Variants in SRP72 observed in about 807,000 individuals in gnomAD.
SRP72 encodes the protein signal recognition particle 72.
In SRP72, 49 loss-of-function variants were observed where a neutral mutation model predicts 96.3. The observed-to-expected ratio is 0.51, with a 90% CI of 0.40 to 0.65. The LOEUF (loss-of-function observed/expected upper bound fraction) is 0.65. SRP72 is among the 30% of genes least tolerant of loss of function. The probability of loss-of-function intolerance (pLI) is 0.00; values close to 1 mark genes in which losing one functional copy is unlikely to be tolerated. For missense variants in SRP72, 736 were observed against 793.3 expected (o/e 0.93, Z 0.87); for synonymous variants, 267 against 275.2 (o/e 0.97, Z 0.30).
At chr4:56,486,525 C>T (rs939623950) in intron 11 of SRP72, 128 bp downstream of exon 11, 2 of 675,518 alleles carry the variant, frequency 3.0e-6, no homozygotes, top group Non-Finnish European at 4.7e-6. Context: ...CTGTTTCAAA[C>T]ATGCAGCTAG....
intron 1 of SRP72, among the ~76,000 whole-genome samples, chr4:56,468,544 G>A (rs1391433826): frequency 6.6e-6 from 1 of 151,936 alleles, no homozygotes; most frequent in African/African-American, 2.4e-5. Context: ...TACAGCCTGT[G>A]CATGTTAGAT....
intron 8 of SRP72, among the ~76,000 whole-genome samples, chr4:56,479,488 C>G (rs1430987085): frequency 6.6e-6 from 1 of 150,612 alleles, no homozygotes; most frequent in Non-Finnish European, 1.5e-5. Context: ...CAGGAACACT[C>G]TAATGGAAAA....
At chr4:56,475,561 CAAAAA>C (rs1180420128) in intron 5 of SRP72, 2 of 103,304 alleles carry the variant, frequency 1.9e-5, no homozygotes, top group African/African-American at 3.4e-5. Context: ...GACGCTGTCT[CAAAAA>C]AAAAAAAAAA....
At chr4:56,495,562 C>T (rs1317400988) in intron 17 of SRP72, among the ~76,000 whole-genome samples, 168 bp downstream of exon 17, 1 of 152,148 alleles carries the variant, frequency 6.6e-6, no homozygotes, top group Non-Finnish European at 1.5e-5. Flanking sequence ...TTAAAGATCG[C>T]AATTCACTAG....
chr4:56,485,016 G>C (rs1720651551), intron 10 of SRP72, 152 bp downstream of exon 10: 1 of 902,992 alleles, frequency 1.1e-6, no homozygotes, highest in African/African-American at 1.7e-5. Context: ...GTTAACTCTT[G>C]GGTTACAGAG....
At chr4:56,472,608 A>G (rs1035015592) in intron 3 of SRP72, among the ~76,000 whole-genome samples, 1 of 151,978 alleles carries the variant, frequency 6.6e-6, no homozygotes, top group Non-Finnish European at 1.5e-5. Flanking sequence ...TGACCTCCCA[A>G]AGTACTGGGA....
chr4:56,470,053 T>A (rs1476892726), intron 2 of SRP72, among the ~76,000 whole-genome samples: 2 of 148,052 alleles, frequency 1.4e-5, no homozygotes, highest in Non-Finnish European at 3.0e-5. Flanking sequence ...GGCATAATTA[T>A]GAGTCGTTGG....
chr4:56,494,849 T>G (rs1412284966), intron 16 of SRP72, among the ~76,000 whole-genome samples: 2 of 152,068 alleles, frequency 1.3e-5, no homozygotes, highest in African/African-American at 4.8e-5. Flanking sequence ...GATAAAAAAG[T>G]GTAAGAGTAA....
chr4:56,492,888 G>A (rs1225831616), intron 16 of SRP72, among the ~76,000 whole-genome samples: 1 of 152,140 alleles, frequency 6.6e-6, no homozygotes, highest in African/African-American at 2.4e-5. Flanking sequence ...GGGAGGCTGA[G>A]GCGGGATGAT....
intron 10 of SRP72, among the ~76,000 whole-genome samples, chr4:56,485,782 C>T (rs1720689611): frequency 6.6e-6 from 1 of 151,934 alleles, no homozygotes; most frequent in African/African-American, 2.4e-5. Context: ...GCCTGGGTGA[C>T]AGAGCAAGAC....
intron 10 of SRP72, among the ~76,000 whole-genome samples, chr4:56,485,766 A>C (rs1290382369): frequency 6.6e-6 from 1 of 151,974 alleles, no homozygotes; most frequent in African/African-American, 2.4e-5. Flanking sequence ...ACGCCACTGC[A>C]CTCCAGCCTG....
At chr4:56,469,151 G>A (rs188727021) in intron 1 of SRP72, among the ~76,000 whole-genome samples, 1 of 152,060 alleles carries the variant, frequency 6.6e-6, no homozygotes, top group Non-Finnish European at 1.5e-5. Context: ...TTATTAAATA[G>A]GTAATGCTTT....
chr4:56,485,051 T>C (rs1485601946), intron 10 of SRP72, among the ~76,000 whole-genome samples, 187 bp downstream of exon 10: 2 of 152,232 alleles, frequency 1.3e-5, no homozygotes, highest in African/African-American at 2.4e-5. Context: ...CTTTGTGTTA[T>C]ATAAATTTCT....
chr4:56,492,787 A>G (rs1289855123), intron 16 of SRP72, among the ~76,000 whole-genome samples: 1 of 151,954 alleles, frequency 6.6e-6, no homozygotes, highest in Non-Finnish European at 1.5e-5. Flanking sequence ...TATGTTTACT[A>G]TTTTTTTCTT....
chr4:56,476,709 A>G lies in SRP72; in HGVS notation c.642+7A>G. The G allele has an allele frequency of 1.2e-6, 2 of 1,612,466 alleles. No homozygotes were observed. The highest frequency in any genetic ancestry group is 1.7e-6 in the Non-Finnish European group (2 of 1,179,624). On this transcript the variant is annotated splice_region_variant and intron_variant, in intron 6 of 18. Coordinates refer to ENST00000642900, the MANE Select transcript of SRP72 (RefSeq NM_006947.4). ...TTCATTATCAGAAGACACTGTAAGTATTCCATCATTGTTAAACCTAAATTT... is the reference window on the plus strand; with the variant it reads ...TTCATTATCAGAAGACACTGTAAGTGTTCCATCATTGTTAAACCTAAATTT...
intron 5 of SRP72, chr4:56,476,139 A>C (rs548532289): frequency 1.3e-5 from 2 of 155,204 alleles, no homozygotes; most frequent in South Asian, 4.0e-4. Context: ...AAACTAAGCC[A>C]GGTATGGTGG....
chr4:56,478,560 G>C (rs766350698), intron 7 of SRP72, 32 bp from the exon 8 acceptor site: 6 of 1,612,978 alleles, frequency 3.7e-6, no homozygotes, highest in Non-Finnish European at 5.1e-6. Flanking sequence ...TTAAAGGTTT[G>C]TTTGGTTTTG....
chr4:56,474,332 G>A lies in SRP72; in HGVS notation c.551G>A (p.Cys184Tyr). 6.2e-7 allele frequency: 1 copy of A among 1,614,186 alleles called. No individual in the cohort carries two copies. Among genetic ancestry groups the A allele is most frequent in the Non-Finnish European group, 8.5e-7 (1 of 1,180,042 alleles). ...CATGAGCTGTGCTACAACACTGCATGTGCACTGATAGGCCAAGGCCAGCTG... is the reference window on the plus strand; with the variant it reads ...CATGAGCTGTGCTACAACACTGCATATGCACTGATAGGCCAAGGCCAGCTG... Reference protein sequence around the residue: ...GTHELCYNTACALIGQGQLNQ... With the variant: ...GTHELCYNTAYALIGQGQLNQ... The change falls in exon 5 of 19, where the codon TGT (cysteine) becomes TAT (tyrosine). Residue 184 changes from cysteine (C) to tyrosine (Y), a missense_variant. By Grantham distance (194) the Cys-to-Tyr change is radical. This residue lies in a region of SRP72 where 329 missense variants were observed against 319.0 expected (regional missense o/e 1.03). Coordinates refer to ENST00000642900, the MANE Select transcript of SRP72 (RefSeq NM_006947.4).
At chr4:56,489,649 T>G (rs1578191777) in intron 13 of SRP72, among the ~76,000 whole-genome samples, 166 bp downstream of exon 13, 1 of 152,330 alleles carries the variant, frequency 6.6e-6, no homozygotes, top group East Asian at 1.9e-4. Context: ...CCAAATTAAG[T>G]TATTAGAAAT....
Sources: gnomAD v4.1 joint callset for allele counts (sites outside exome capture counted in the v4.1 genomes callset) on GRCh38, gnomAD v4.1.1 for gene constraint, gnomAD v4.1.1 regional missense constraint, MANE v1.5 for transcripts, NCBI Gene and HGNC (gene_info 2026-07-23, HGNC 2026-07-21) for gene names.